The following CHD9 variants were observed in gnomAD, a reference collection of about 807,000 sequenced individuals.
The protein encoded by CHD9 is chromodomain helicase DNA binding protein 9, also known as ATP-dependent chromatin remodeler CHD9.
A neutral mutation model predicts 316.1 loss-of-function variants in CHD9; 77 were observed. The observed-to-expected ratio is 0.24, with a 90% confidence interval of 0.20 to 0.29. The LOEUF (loss-of-function observed/expected upper bound fraction) is 0.29. CHD9 is among the 10% of genes least tolerant of loss of function. CHD9 has a pLI of 1.00. For synonymous variants in CHD9, 1,129 were observed against 1,158.3 expected (o/e 0.97, Z 0.51); for missense variants, 2,763 against 3,438.1 (o/e 0.80, Z 4.91).
chr16:53,221,637 A>G (rs1597492186), intron 3 of CHD9, among the ~76,000 whole-genome samples: 1 of 152,180 alleles, frequency 6.6e-6, no homozygotes, highest in Admixed American at 6.5e-5. Context: ...TCTGGTGTGT[A>G]TATATGTAAA....
chr16:53,307,617 A>G lies in CHD9; in HGVS notation c.6781-64A>G, dbSNP rs1027332669. On this transcript the variant is annotated intron_variant, in intron 32 of 38. Transcript: ENST00000447540. ...GGTTAAATCCATAGACTCTTGAGCT[A>G]TTTGATCTCCAAAGGTCTGATCTAA... 2.1e-6 allele frequency: 3 copies of G among 1,435,732 alleles called. No homozygotes were observed. The African/African-American group carries it at 4.3e-5, about 20-fold the overall frequency. The allele number at this position is 1,435,732 out of a possible 1,614,324, so 88.9% of individuals were successfully genotyped here.
chr16:53,164,447 T>TA (rs2042131947), intron 2 of CHD9, among the ~76,000 whole-genome samples: 1 of 151,922 alleles, frequency 6.6e-6, no homozygotes, highest in African/African-American at 2.4e-5. Flanking sequence ...GGAGTGATGG[T>TA]GTGCACCTGT....
At chr16:53,208,695 G>A (rs1049018523) in intron 2 of CHD9, 1 of 989,064 alleles carries the variant, frequency 1.0e-6, no homozygotes, top group Admixed American at 6.1e-5. Flanking sequence ...GGTATAGTCA[G>A]AGGCATGTTT....
chr16:53,228,781 A>T (rs1332880201), intron 7 of CHD9, among the ~76,000 whole-genome samples: 1 of 152,126 alleles, frequency 6.6e-6, no homozygotes, highest in Non-Finnish European at 1.5e-5. Context: ...CAAATTGTAT[A>T]CCTTTAGACT....
chr16:53,089,320 G>A (rs1014891744), intron 1 of CHD9, among the ~76,000 whole-genome samples: 2 of 152,092 alleles, frequency 1.3e-5, no homozygotes, highest in Non-Finnish European at 2.9e-5. Flanking sequence ...AAATGAAGTT[G>A]AATAGATACT....
At chr16:53,075,522 T>A (rs2034448291) in intron 1 of CHD9, among the ~76,000 whole-genome samples, 1 of 152,136 alleles carries the variant, frequency 6.6e-6, no homozygotes, top group African/African-American at 2.4e-5. Flanking sequence ...AGGGACCCAG[T>A]GGGAGATAAT....
At chr16:53,235,890 A>G (rs150811959) in intron 11 of CHD9, among the ~76,000 whole-genome samples, 7 of 152,346 alleles carry the variant, frequency 4.6e-5, no homozygotes, top group Non-Finnish European at 1.0e-4. Flanking sequence ...CGATTGAGAA[A>G]GCATAGTAGT....
chr16:53,157,502 G>A lies in CHD9; in HGVS notation c.1413G>A (p.Gln471=), dbSNP rs2152748002. 1 of 1,613,710 alleles carries A rather than the reference G, an allele frequency of 6.2e-7. No individual in the cohort carries two copies. Among genetic ancestry groups the A allele is most frequent in the Non-Finnish European group, 8.5e-7 (1 of 1,179,746 alleles). The part of the protein sequence containing the change: ...RSWHSSFSNH[Q]HLHDRNHLCL... ...GGCATTCATCATTTTCTAATCATCA[G>A]CATTTACATGACAGAAATCACCTAT... The change falls in exon 2 of 39, where the codon CAG becomes CAA. Residue 471 remains glutamine, a synonymous_variant. Transcript: ENST00000447540.
At chr16:53,111,089 T>A (rs1413994793) in intron 1 of CHD9, among the ~76,000 whole-genome samples, 1 of 152,214 alleles carries the variant, frequency 6.6e-6, no homozygotes, top group Non-Finnish European at 1.5e-5. Context: ...AAGAAAATGC[T>A]GAAGTGAGAC....
chr16:53,315,130 T>TC, intron 36 of CHD9, 86 bp downstream of exon 36: 1 of 886,914 alleles, frequency 1.1e-6, no homozygotes, highest in Non-Finnish European at 1.7e-6. Flanking sequence ...CTCATCCACT[T>TC]ATGCTAAATA....
At chr16:53,307,250 C>A (rs570572874) in intron 32 of CHD9, among the ~76,000 whole-genome samples, 4 of 152,174 alleles carry the variant, frequency 2.6e-5, no homozygotes, top group Admixed American at 2.6e-4. Flanking sequence ...ATAAAACTAT[C>A]TTTGTGGTAT....
intron 24 of CHD9, among the ~76,000 whole-genome samples, chr16:53,277,508 A>G (rs968617940): frequency 4.6e-5 from 7 of 152,204 alleles, no homozygotes; most frequent in African/African-American, 1.7e-4. Flanking sequence ...TCACATGATC[A>G]TTTCAGTAAA....
At chr16:53,116,045 G>A (rs1401422533) in intron 1 of CHD9, among the ~76,000 whole-genome samples, 1 of 152,206 alleles carries the variant, frequency 6.6e-6, no homozygotes, top group African/African-American at 2.4e-5. Context: ...GCAAATACCA[G>A]CCTGACATTT....
At chr16:53,266,025 AC>A in intron 20 of CHD9, among the ~76,000 whole-genome samples, 1 of 151,746 alleles carries the variant, frequency 6.6e-6, no homozygotes, top group South Asian at 2.1e-4. Flanking sequence ...AAAAGGGACA[AC>A]TCTTTCTTAC....
chr16:53,304,698 T>C (rs181795508), intron 31 of CHD9, 73 bp downstream of exon 31: 173 of 1,224,266 alleles, frequency 1.4e-4, no homozygotes, highest in East Asian at 4.5e-4. Flanking sequence ...CTTTTCTTTT[T>C]TTTTTTTTTT....
chr16:53,313,462 C>A (rs1317212771), intron 34 of CHD9, among the ~76,000 whole-genome samples: 1 of 152,024 alleles, frequency 6.6e-6, no homozygotes, highest in African/African-American at 2.4e-5. Context: ...CCCGCCACCA[C>A]GCCCAGCTAA....
chr16:53,272,116 T>C (rs2052329874), intron 22 of CHD9, among the ~76,000 whole-genome samples: 1 of 152,038 alleles, frequency 6.6e-6, no homozygotes, highest in Non-Finnish European at 1.5e-5. Context: ...GAGATATTAT[T>C]AAACACCAAA....
At chr16:53,210,777 A>C (rs575810730) in intron 3 of CHD9, among the ~76,000 whole-genome samples, 43 of 152,192 alleles carry the variant, frequency 2.8e-4, no homozygotes, top group African/African-American at 1.0e-3. Context: ...AATTTTATAA[A>C]TCAAATGAAT....
chr16:53,320,566 A>G (rs2057208313), intron 37 of CHD9, among the ~76,000 whole-genome samples: 1 of 152,184 alleles, frequency 6.6e-6, no homozygotes, highest in South Asian at 2.1e-4. Flanking sequence ...TGATCATATT[A>G]AACCTTATCT....
Sources: allele counts gnomAD v4.1 joint callset (sites outside exome capture counted in the v4.1 genomes callset), GRCh38; gene constraint gnomAD v4.1.1; transcripts MANE v1.5; gene names NCBI Gene and HGNC (gene_info 2026-07-23, HGNC 2026-07-21).